Variants in CSMD3 observed in about 807,000 individuals in gnomAD.
CSMD3 encodes CUB and sushi domain-containing protein 3.
In CSMD3, 177 loss-of-function variants were observed where a neutral mutation model predicts 435.2. The ratio of observed to expected loss-of-function variants is 0.41; its 90% CI spans 0.36 to 0.46. The LOEUF (loss-of-function observed/expected upper bound fraction) is 0.46, where lower values mean the gene tolerates loss of function less well. Ranked by LOEUF, CSMD3 falls within the 20% of genes least tolerant of loss-of-function variation. CSMD3 has a pLI of 0.34. For missense variants in CSMD3, 4,265 were observed against 4,504.6 expected, an observed-to-expected ratio of 0.95 and a Z score of 1.52; for synonymous variants, 1,656 against 1,520.5, an observed-to-expected ratio of 1.09 and a Z score of -2.07.
At chr8:112,913,326 T>A (rs935171293) in intron 10 of CSMD3, among the ~76,000 whole-genome samples, 1 of 151,778 alleles carries the variant, frequency 6.6e-6, no homozygotes, top group African/African-American at 2.4e-5. Context: ...CAGTTCACAA[T>A]AGGGTTCACG....
At chr8:112,380,312 G>T (rs1387091645) in intron 38 of CSMD3, 40 bp downstream of exon 38, 1 of 1,075,234 alleles carries the variant, frequency 9.3e-7, no homozygotes, top group Non-Finnish European at 1.4e-6. Flanking sequence ...ATATAAACTT[G>T]TTCTTAACCT....
chr8:113,351,692 G>C (rs936319026), intron 1 of CSMD3, among the ~76,000 whole-genome samples: 3 of 152,050 alleles, frequency 2.0e-5, no homozygotes, highest in African/African-American at 7.2e-5. Context: ...TAAGTGCTTT[G>C]CAGATATTAT....
intron 4 of CSMD3, among the ~76,000 whole-genome samples, chr8:113,131,811 G>C (rs2091290373): frequency 6.6e-6 from 1 of 152,152 alleles, no homozygotes; most frequent in South Asian, 2.1e-4. Context: ...AAGCAGTCGT[G>C]GGGGCTGTAC....
rs191190327 is a variant in CSMD3, at chr8:112,401,880, G to A, written c.5809+4644C>T. ...AAAATGCAAAAATCTTCTGTGGAAG[G>A]CACATTTTCCATATAATAACTTTAA... On this transcript the variant is annotated intron_variant, in intron 35 of 70. Coordinates refer to ENST00000297405, the MANE Select transcript of CSMD3 (RefSeq NM_198123.2). 5.9e-5 allele frequency among the ~76,000 whole-genome samples: 9 copies of A among 152,142 alleles called. No individual in the cohort carries two copies. The East Asian group carries it at 1.7e-3, about 29-fold the overall frequency.
intron 2 of CSMD3, among the ~76,000 whole-genome samples, chr8:113,279,475 A>G (rs965515554): frequency 6.6e-5 from 10 of 151,776 alleles, no homozygotes; most frequent in African/African-American, 2.4e-4. Context: ...GTATTAAATA[A>G]TATTTGAAGC....
Position 112,314,413 on chromosome 8 carries a change from T to G in CSMD3, c.7549+16A>C, listed in dbSNP as rs765544855. On this transcript the variant is annotated intron_variant, in intron 48 of 70. Coordinates refer to ENST00000297405, the MANE Select transcript of CSMD3 (RefSeq NM_198123.2). ...ACTTAATTGATGAATATCCAATAAA[T>G]ATAACCCTTGGTTACCATCATACAC... The G allele has an allele frequency of 6.5e-7, 1 of 1,546,978 alleles. No homozygotes were observed. The highest frequency in any genetic ancestry group is 8.9e-7 in the Non-Finnish European group (1 of 1,119,476).
At chr8:112,677,187 G>C (rs932287171) in intron 16 of CSMD3, among the ~76,000 whole-genome samples, 6 of 151,848 alleles carry the variant, frequency 4.0e-5, no homozygotes, top group African/African-American at 1.5e-4. Context: ...TGTGAACAAA[G>C]ACATGGGCCC....
chr8:113,095,078 A>T (rs1367099583), intron 5 of CSMD3, among the ~76,000 whole-genome samples: 1 of 152,036 alleles, frequency 6.6e-6, no homozygotes, highest in Non-Finnish European at 1.5e-5. Flanking sequence ...CTCAGAAAAA[A>T]AAAAAATCAC....
At position 112,829,674 on chromosome 8, in the gene CSMD3, T is replaced by C. The variant is rs199976349; in HGVS notation, c.1859+12A>G. ...GATAGGCTAAGGCAAAAATGAAACA[T>C]TGGGAACTTACACTTGGAGCACTGT... is the stretch of plus-strand genomic sequence containing the variant. On this transcript the variant is annotated intron_variant, in intron 12 of 70. Transcript: ENST00000297405. 39 of 1,538,520 alleles carry C rather than the reference T, an allele frequency of 2.5e-5. No individual in the cohort carries two copies. Among genetic ancestry groups the C allele is most frequent in the East Asian group, 1.8e-4 (8 of 44,412 alleles).
At chr8:113,252,369 T>A (rs1241025099) in intron 3 of CSMD3, among the ~76,000 whole-genome samples, 2 of 152,158 alleles carry the variant, frequency 1.3e-5, no homozygotes, top group African/African-American at 2.4e-5. Context: ...CAATTTTTTT[T>A]AAAGTGCATG....
At chr8:112,277,532 C>T (rs1818187015) in intron 59 of CSMD3, among the ~76,000 whole-genome samples, 1 of 152,174 alleles carries the variant, frequency 6.6e-6, no homozygotes, top group African/African-American at 2.4e-5. Context: ...CTGAGCCCTC[C>T]AAACTGTTCC....
At chr8:112,829,651 T>C (rs1381289767) in intron 12 of CSMD3, 35 bp downstream of exon 12, 11 of 1,247,550 alleles carry the variant, frequency 8.8e-6, no homozygotes, top group Admixed American at 3.4e-5. Flanking sequence ...TAGTACCCGA[T>C]AGGCTAAGGC....
intron 38 of CSMD3, among the ~76,000 whole-genome samples, chr8:112,364,321 G>C (rs1240153944): frequency 6.6e-6 from 1 of 151,916 alleles, no homozygotes; most frequent in African/African-American, 2.4e-5. Context: ...GTGCTCTTAG[G>C]TGTAGGGGAA....
intron 10 of CSMD3, among the ~76,000 whole-genome samples, chr8:112,888,765 G>A (rs553151712): frequency 2.4e-4 from 37 of 151,710 alleles, no homozygotes; most frequent in African/African-American, 8.2e-4. Context: ...GGCCACTCAC[G>A]TTCACAGATT....
intron 21 of CSMD3, among the ~76,000 whole-genome samples, chr8:112,637,326 G>A (rs945281662): frequency 6.6e-5 from 10 of 151,560 alleles, no homozygotes; most frequent in African/African-American, 1.2e-4. Context: ...ATATATTTTC[G>A]ACTTACGGCA....
At chr8:112,975,629 C>T (rs1324322621) in intron 7 of CSMD3, among the ~76,000 whole-genome samples, 1 of 152,048 alleles carries the variant, frequency 6.6e-6, no homozygotes, top group Non-Finnish European at 1.5e-5. Flanking sequence ...ATTTGCATTG[C>T]ACTTTGACTT....
intron 8 of CSMD3, among the ~76,000 whole-genome samples, chr8:112,948,666 G>T (rs2083697584): frequency 6.6e-6 from 1 of 151,788 alleles, no homozygotes; most frequent in Non-Finnish European, 1.5e-5. Flanking sequence ...AAAGTGAACT[G>T]GAGGATAAAT....
In CSMD3 at chr8:112,342,971, TTA is replaced by T. The variant is rs1159933349; in HGVS notation, c.6443-1287_6443-1286del. Among the ~76,000 whole-genome samples the T allele has an allele frequency of 3.7e-3, 339 of 92,306 alleles. 5 individuals are homozygous for T. The highest frequency in any genetic ancestry group is 0.011 in the African/African-American group (284 of 25,858). The allele number at this position is 92,306 out of a possible 152,430, so 60.6% of individuals were successfully genotyped here. A position where few individuals can be genotyped will look rare whatever the true frequency, so the allele number is the denominator to read the frequency against. Reference sequence around the variant, plus strand: ...ATGTTTCTTTACCTCTTGAAATGTATTATATATATATATATTTATATATATAT... The same window carrying T: ...ATGTTTCTTTACCTCTTGAAATGTATTATATATATATATTTATATATATAT... On this transcript the variant is annotated intron_variant, in intron 41 of 70. Transcript: ENST00000297405.
intron 1 of CSMD3, among the ~76,000 whole-genome samples, chr8:113,418,501 G>A (rs993826004): frequency 6.6e-6 from 1 of 152,020 alleles, no homozygotes; most frequent in Non-Finnish European, 1.5e-5. Context: ...ATGTGGTTAA[G>A]TCAAAAAAGA....
Sources: allele counts gnomAD v4.1 joint callset (sites outside exome capture counted in the v4.1 genomes callset), GRCh38; gene constraint gnomAD v4.1.1; transcripts MANE v1.5; gene names NCBI Gene and HGNC (gene_info 2026-07-23, HGNC 2026-07-21).